Variants in REEP3 observed in about 807,000 individuals in gnomAD.
The protein encoded by REEP3 is receptor expression-enhancing protein 3.
In REEP3, 20 loss-of-function variants were observed where a neutral mutation model predicts 41.3. The observed-to-expected ratio is 0.48, with a 90% CI of 0.34 to 0.70. The LOEUF is 0.70. Among genes scored for constraint, REEP3 ranks in the 30% least tolerant of loss-of-function variants. REEP3 has a pLI of 0.01. For synonymous variants in REEP3, 104 were observed against 101.8 expected (o/e 1.02, Z -0.13); for missense variants, 271 against 308.8 (o/e 0.88, Z 0.92).
intron 2 of REEP3, among the ~76,000 whole-genome samples, chr10:63,575,346 CATG>C (rs1372000907): frequency 1.3e-5 from 2 of 152,174 alleles, no homozygotes; most frequent in Admixed American, 1.3e-4. Context: ...TTTAAAATTT[CATG>C]ATGATGTACT....
intron 1 of REEP3, among the ~76,000 whole-genome samples, chr10:63,559,561 G>A (rs2195594): frequency 0.35 from 53,208 of 152,024 alleles, 10,110 homozygotes; most frequent in African/African-American, 0.48. Context: ...TCATTAGGAA[G>A]TAGAGATTTT....
chr10:63,531,310 T>TTATTCA (rs1439585379), intron 1 of REEP3, among the ~76,000 whole-genome samples: 2 of 152,252 alleles, frequency 1.3e-5, no homozygotes, highest in African/African-American at 4.8e-5. Context: ...AACCTCAGCA[T>TTATTCA]TATTCATATT....
intron 1 of REEP3, chr10:63,562,870 A>G (rs959500847): frequency 8.8e-6 from 4 of 453,088 alleles, no homozygotes; most frequent in South Asian, 3.1e-5. Context: ...CCCAAACTTC[A>G]TATATTGAAG....
At chr10:63,587,398 T>C (rs1241565079) in intron 2 of REEP3, among the ~76,000 whole-genome samples, 1 of 152,226 alleles carries the variant, frequency 6.6e-6, no homozygotes, top group African/African-American at 2.4e-5. Context: ...TGGCAGCTAA[T>C]AGTACTATGA....
At chr10:63,553,307 T>C (rs924534103) in intron 1 of REEP3, among the ~76,000 whole-genome samples, 10 of 152,158 alleles carry the variant, frequency 6.6e-5, no homozygotes, top group African/African-American at 1.4e-4. Context: ...TTAAGAAATA[T>C]GAAAATAGAA....
At chr10:63,560,240 G>A (rs891599183) in intron 1 of REEP3, among the ~76,000 whole-genome samples, 4 of 152,004 alleles carry the variant, frequency 2.6e-5, no homozygotes, top group Non-Finnish European at 5.9e-5. Context: ...ATGACAAGAA[G>A]AATAGATTAA....
At chr10:63,533,276 C>A (rs1265802828) in intron 1 of REEP3, among the ~76,000 whole-genome samples, 1 of 152,178 alleles carries the variant, frequency 6.6e-6, no homozygotes, top group African/African-American at 2.4e-5. Flanking sequence ...CCCACAGGAA[C>A]AACAAGCCTA....
chr10:63,565,129 A>C (rs1488622341), intron 1 of REEP3, among the ~76,000 whole-genome samples: 1 of 152,132 alleles, frequency 6.6e-6, no homozygotes, highest in Non-Finnish European at 1.5e-5. Context: ...GCATAGTGGC[A>C]CACACCTGTA....
chr10:63,567,527 T>C (rs1955811596), intron 2 of REEP3, among the ~76,000 whole-genome samples: 1 of 152,200 alleles, frequency 6.6e-6, no homozygotes, highest in South Asian at 2.1e-4. Context: ...GTTACATTCC[T>C]TTTTATGGCT....
intron 2 of REEP3, among the ~76,000 whole-genome samples, chr10:63,588,917 T>C (rs1337037041): frequency 6.6e-6 from 1 of 152,100 alleles, no homozygotes; most frequent in Non-Finnish European, 1.5e-5. Context: ...GGAAACAGCA[T>C]GCAAAAGGCC....
At chr10:63,536,799 A>G (rs536999222) in intron 1 of REEP3, among the ~76,000 whole-genome samples, 1 of 152,342 alleles carries the variant, frequency 6.6e-6, no homozygotes, top group South Asian at 2.1e-4. Flanking sequence ...TTACAACCAC[A>G]TTGAAATTCC....
In REEP3 at chr10:63,557,500, G is replaced by A. The variant is rs568440128; in HGVS notation, c.33-8838G>A. Among the ~76,000 whole-genome samples, 5 of 152,110 alleles carry A rather than the reference G, an allele frequency of 3.3e-5. No homozygotes were observed. The East Asian group carries it at 5.8e-4, about 18-fold the overall frequency. On this transcript the variant is annotated intron_variant, in intron 1 of 7. Coordinates refer to ENST00000373758, the MANE Select transcript of REEP3 (RefSeq NM_001001330.3). Reference sequence around the variant, plus strand: ...TCAAAATGGGAGGTTTTTGCTTAGCGTTTTCTTCCTTATTCTATTGTTTAA... The same window carrying A: ...TCAAAATGGGAGGTTTTTGCTTAGCATTTTCTTCCTTATTCTATTGTTTAA...
chr10:63,525,262 T>C (rs994408510), intron 1 of REEP3, among the ~76,000 whole-genome samples: 3 of 152,182 alleles, frequency 2.0e-5, no homozygotes, highest in South Asian at 2.1e-4. Flanking sequence ...TTATAGACCT[T>C]GGTTCTATTT....
Position 63,603,174 on chromosome 10 carries a change from G to A in REEP3, c.417+3891G>A, listed in dbSNP as rs376006388. 1.3e-4 allele frequency among the ~76,000 whole-genome samples: 19 copies of A among 151,896 alleles called. No individual in the cohort carries two copies. The East Asian group carries it at 1.8e-3, about 14-fold the overall frequency. On this transcript the variant is annotated intron_variant, in intron 5 of 7. Coordinates refer to ENST00000373758, the MANE Select transcript of REEP3 (RefSeq NM_001001330.3). ...TAAAAATACAAAAAATTAGGTGGGC[G>A]TGGTGGTGGGTGCCTGTAGTCCCAG... is the stretch of plus-strand genomic sequence containing the variant.
chr10:63,624,581 G>A lies in REEP3; in HGVS notation c.*3712G>A, dbSNP rs1011427213. On this transcript the variant is annotated 3_prime_UTR_variant, in exon 8 of 8. Transcript: ENST00000373758. Reference sequence around the variant, plus strand: ...AAACTCATTTTATTTGTGGCAATTCGCGTTTCTTTTTTTATGCCAGAGTAC... The same window carrying A: ...AAACTCATTTTATTTGTGGCAATTCACGTTTCTTTTTTTATGCCAGAGTAC... 8 of 151,882 alleles carry A rather than the reference G, an allele frequency of 5.3e-5. No homozygotes were observed. Among genetic ancestry groups the A allele is most frequent in the Non-Finnish European group, 1.0e-4 (7 of 67,926 alleles). 9.4% of individuals were successfully genotyped at this position (151,882 alleles called of 1,614,324 possible). A position where few individuals can be genotyped will look rare whatever the true frequency, so the allele number is the denominator to read the frequency against.
At chr10:63,579,042 G>GA (rs1436497659) in intron 2 of REEP3, among the ~76,000 whole-genome samples, 1 of 46,056 alleles carries the variant, frequency 2.2e-5, no homozygotes, top group East Asian at 5.5e-4. Context: ...GTTTTTTTTT[G>GA]GGGGGGGGGA....
chr10:63,585,085 C>T (rs1188061812), intron 2 of REEP3, among the ~76,000 whole-genome samples: 1 of 152,100 alleles, frequency 6.6e-6, no homozygotes, highest in Non-Finnish European at 1.5e-5. Context: ...AAAAAATAGG[C>T]TATTTTATAT....
intron 5 of REEP3, chr10:63,599,611 T>C: frequency 1.1e-5 from 8 of 758,436 alleles, no homozygotes; most frequent in Non-Finnish European, 1.3e-5. Flanking sequence ...TTTCTCTGTC[T>C]TTGGTGTTCT....
intron 2 of REEP3, among the ~76,000 whole-genome samples, chr10:63,594,540 TA>T (rs1956095690): frequency 6.6e-6 from 1 of 152,218 alleles, no homozygotes; most frequent in Non-Finnish European, 1.5e-5. Context: ...AGAGATTTGT[TA>T]ATCTTTGCTC....
Sources: allele counts gnomAD v4.1 joint callset (sites outside exome capture counted in the v4.1 genomes callset), GRCh38; gene constraint gnomAD v4.1.1; transcripts MANE v1.5; gene names NCBI Gene and HGNC (gene_info 2026-07-23, HGNC 2026-07-21).